RPS6KB2: variants seen among roughly 807,000 people sequenced by gnomAD.
RPS6KB2 encodes the protein ribosomal protein S6 kinase beta-2.
In RPS6KB2, 51 loss-of-function variants were observed where a neutral mutation model predicts 58.2. That is an observed-to-expected ratio of 0.88 (90% CI 0.70 to 1.11). The LOEUF (loss-of-function observed/expected upper bound fraction) is 1.11. Ranked by LOEUF, RPS6KB2 falls within the 50% of genes least tolerant of loss-of-function variation. RPS6KB2 has a pLI of 0.00. For synonymous variants in RPS6KB2, 293 were observed against 258.6 expected, an observed-to-expected ratio of 1.13 and a Z score of -1.28; for missense variants, 671 against 655.8, an observed-to-expected ratio of 1.02 and a Z score of -0.25.
At chr11:67,429,753 A>G in intron 4 of RPS6KB2, 158 bp downstream of exon 4, 1 of 617,524 alleles carries the variant, frequency 1.6e-6, no homozygotes, top group Non-Finnish European at 2.9e-6. Context: ...TCTTGCAGTA[A>G]TTCTCAATGG....
chr11:67,433,443 A>G lies in RPS6KB2; in HGVS notation c.902A>G (p.Lys301Arg), dbSNP rs757954567. The change falls in exon 10 of 15, where the codon AAA (lysine) becomes AGA (arginine). Residue 301 changes from lysine to arginine, a missense_variant. Physicochemically the swap from Lys to Arg is conservative, Grantham distance 26 (BLOSUM62 2). Coordinates refer to ENST00000312629, the MANE Select transcript of RPS6KB2 (RefSeq NM_003952.3). ...ACCCCAGATGCCCGGGACCTTGTCA[A>G]AAAGGTGCAGCTCCCTTCTCTCTTC... ...YLTPDARDLV[K>R]KFLKRNPSQR... is the part of the protein sequence containing the mutation. 3.7e-6 allele frequency: 6 copies of G among 1,608,560 alleles called. No homozygotes were observed. Among genetic ancestry groups the G allele is most frequent in the Non-Finnish European group, 3.4e-6 (4 of 1,175,148 alleles).
Position 67,431,405 on chromosome 11 carries a change from C to T in RPS6KB2, c.347C>T (p.Thr116Ile). ...IVRNAKDTAH[T>I]RAERNILESV... ...CGCAATGCCAAGGACACAGCACACA[C>T]ACGGGCTGAGCGGAACATTCTAGAG... The change falls in exon 5 of 15, where the codon ACA becomes ATA. Residue 116 changes from threonine to isoleucine, a missense_variant. By Grantham distance (89) the Thr-to-Ile change is moderately conservative. Coordinates refer to ENST00000312629, the MANE Select transcript of RPS6KB2 (RefSeq NM_003952.3). 4 of 1,614,136 alleles carry T rather than the reference C, an allele frequency of 2.5e-6. No individual in the cohort carries two copies. The highest frequency in any genetic ancestry group is 3.4e-6 in the Non-Finnish European group (4 of 1,180,020).
intron 4 of RPS6KB2, chr11:67,430,576 C>G (rs1413537353): frequency 6.6e-6 from 1 of 151,880 alleles, no homozygotes; most frequent in Non-Finnish European, 1.5e-5. Flanking sequence ...GGATTACAGC[C>G]ATGAACCACC....
chr11:67,428,815 C>G, intron 1 of RPS6KB2, 167 bp from the exon 2 acceptor site: 1 of 957,734 alleles, frequency 1.0e-6, no homozygotes, highest in Non-Finnish European at 1.6e-6. Flanking sequence ...CCAGCCTTTT[C>G]TCCCGATTCT....
chr11:67,429,959 G>A lies in RPS6KB2; in HGVS notation c.309+364G>A, dbSNP rs1863970111. 3 of 186,516 alleles carry A rather than the reference G, an allele frequency of 1.6e-5. No individual in the cohort carries two copies. The South Asian group carries it at 2.6e-4, about 16-fold the overall frequency. The allele number at this position is 186,516 out of a possible 1,614,324, so 11.6% of individuals were successfully genotyped here. ...CTCCGGAGTAGCTGGGATTACAGGC[G>A]CTTGCCACCACACCCAGCTAATTTT... On this transcript the variant is annotated intron_variant, in intron 4 of 14. Coordinates refer to ENST00000312629, the MANE Select transcript of RPS6KB2 (RefSeq NM_003952.3).
chr11:67,428,739 C>A, intron 1 of RPS6KB2, 116 bp downstream of exon 1: 2 of 1,024,530 alleles, frequency 2.0e-6, no homozygotes, highest in Non-Finnish European at 2.9e-6. Flanking sequence ...AGACCCAGAT[C>A]CTTCTCAGAT....
chr11:67,429,403 ATCT>A (rs1432633340), intron 3 of RPS6KB2, 121 bp from the exon 4 acceptor site: 5 of 1,363,548 alleles, frequency 3.7e-6, no homozygotes, highest in African/African-American at 2.9e-5. Flanking sequence ...CGGACTTGAA[ATCT>A]TCACTGCCCC....
intron 10 of RPS6KB2, 125 bp from the exon 11 acceptor site, chr11:67,433,870 G>C: frequency 9.6e-7 from 1 of 1,039,224 alleles, no homozygotes; most frequent in Non-Finnish European, 1.5e-6. Context: ...GGTATCCATA[G>C]GTGGGAGCCA....
In RPS6KB2 at chr11:67,434,186, C is replaced by T; in HGVS notation, c.970-12C>T. ...GAGCTGTTAGTGGGTTTGGTGCATT[C>T]TCTACCTACAGAGACATCCCTTTTT... On this transcript the variant is annotated splice_polypyrimidine_tract_variant and intron_variant, in intron 11 of 14. Coordinates refer to ENST00000312629, the MANE Select transcript of RPS6KB2 (RefSeq NM_003952.3). 3 of 1,614,072 alleles carry T rather than the reference C, an allele frequency of 1.9e-6. No individual in the cohort carries two copies. The highest frequency in any genetic ancestry group is 1.7e-6 in the Non-Finnish European group (2 of 1,179,978).
rs762438378 is a variant in RPS6KB2 at position 67,431,413 on chromosome 11, G to A, written c.355G>A (p.Glu119Lys). The change falls in exon 5 of 15, where the codon GAG (glutamate) becomes AAG (lysine). Residue 119 changes from glutamate (E) to lysine (K), a missense_variant. By Grantham distance (56) the Glu-to-Lys change is moderately conservative. Coordinates refer to ENST00000312629, the MANE Select transcript of RPS6KB2 (RefSeq NM_003952.3). The part of the protein sequence containing the change: ...NAKDTAHTRA[E>K]RNILESVKHP... ...CAAGGACACAGCACACACACGGGCT[G>A]AGCGGAACATTCTAGAGTCAGTGAA... 20 of 1,614,040 alleles carry A rather than the reference G, an allele frequency of 1.2e-5. No homozygotes were observed. The highest frequency in any genetic ancestry group is 1.1e-4 in the African/African-American group (8 of 74,928).
Position 67,433,477 on chromosome 11 carries a change from C to T in RPS6KB2, c.906+30C>T, listed in dbSNP as rs776779637. On this transcript the variant is annotated intron_variant, in intron 10 of 14. Transcript: ENST00000312629. ...AGCTCCCTTCTCTCTTCTCCGGGGC[C>T]CTGCCAGCCATTCTGCACGTGTTCC... The T allele has an allele frequency of 1.7e-5, 26 of 1,522,710 alleles. 2 individuals are homozygous for T. The Admixed American group carries it at 1.8e-4, about 11-fold the overall frequency. The allele number at this position is 1,522,710 out of a possible 1,614,324, so 94.3% of individuals were successfully genotyped here.
rs1025605718 is a variant in RPS6KB2, at chr11:67,433,189, C to A, written c.771C>A (p.Ala257=). The part of the protein sequence containing the change: ...NRAVDWWSLG[A]LMYDMLTGSP... ...CTGTGGACTGGTGGAGCCTGGGGGCCCTGATGTACGACATGCTCACTGGAT... is the reference window on the plus strand; with the variant it reads ...CTGTGGACTGGTGGAGCCTGGGGGCACTGATGTACGACATGCTCACTGGAT... The change falls in exon 9 of 15, where the codon GCC becomes GCA. Residue 257 remains alanine (A), a synonymous_variant. Coordinates refer to ENST00000312629, the MANE Select transcript of RPS6KB2 (RefSeq NM_003952.3). 2 of 1,605,740 alleles carry A rather than the reference C, an allele frequency of 1.2e-6. No homozygotes were observed. Among genetic ancestry groups the A allele is most frequent in the Non-Finnish European group, 1.7e-6 (2 of 1,178,378 alleles).
intron 5 of RPS6KB2, chr11:67,431,989 AC>A (rs755449448): frequency 1.4e-4 from 39 of 273,894 alleles, no homozygotes; most frequent in Non-Finnish European, 2.7e-4. Flanking sequence ...TCCTCTGCCG[AC>A]TGCTGAGGTC....
intron 1 of RPS6KB2, 44 bp downstream of exon 1, chr11:67,428,667 T>C: frequency 1.3e-6 from 2 of 1,556,890 alleles, no homozygotes; most frequent in Non-Finnish European, 1.7e-6. Context: ...GAGCCGATCC[T>C]GTCACCCAGC....
rs371345807 is a variant in RPS6KB2, at chr11:67,435,039, C to T, written c.1319C>T (p.Pro440Leu). The T allele has an allele frequency of 4.8e-5, 78 of 1,613,008 alleles. No homozygotes were observed. The highest frequency in any genetic ancestry group is 1.6e-4 in the Middle Eastern group (1 of 6,084). Residue 440 changes from proline to leucine, a missense_variant, in exon 15 of 15, where the codon CCG becomes CTG. By Grantham distance (98) the Pro-to-Leu change is moderately conservative. Coordinates refer to ENST00000312629, the MANE Select transcript of RPS6KB2 (RefSeq NM_003952.3). The stretch of plus-strand genomic sequence containing the variant: ...GGGTTTCGGCCCAGCCCCAGCCTGC[C>T]GGAGCCCACGGAGCTACCTCTACCT... The part of the protein sequence containing the change: ...FEGFRPSPSL[P>L]EPTELPLPPL...
chr11:67,433,391 G>A lies in RPS6KB2; in HGVS notation c.850G>A (p.Gly284Ser), dbSNP rs1224114723. ...GAAAACCATGGATAAGATCATCAGG[G>A]GCAAGCTGGCACTGCCCCCCTACCT... ...RKKTMDKIIR[G>S]KLALPPYLTP... The change falls in exon 10 of 15, where the codon GGC (glycine) becomes AGC (serine). Residue 284 changes from glycine to serine, a missense_variant. By Grantham distance (56) the Gly-to-Ser change is moderately conservative. Coordinates refer to ENST00000312629, the MANE Select transcript of RPS6KB2 (RefSeq NM_003952.3). 2 of 1,613,870 alleles carry A rather than the reference G, an allele frequency of 1.2e-6. No individual in the cohort carries two copies. The highest frequency in any genetic ancestry group is 1.3e-5 in the African/African-American group (1 of 74,908).
chr11:67,432,207 C>T (rs1382328192), intron 5 of RPS6KB2: 1 of 437,556 alleles, frequency 2.3e-6, no homozygotes, highest in African/African-American at 2.0e-5. Context: ...CTTAAAGTCC[C>T]AGCAAACCGC....
Position 67,432,844 on chromosome 11 carries a change from A to G in RPS6KB2, c.616+7A>G, listed in dbSNP as rs1309176056. 1.9e-6 allele frequency: 3 copies of G among 1,613,338 alleles called. No homozygotes were observed. The highest frequency in any genetic ancestry group is 1.1e-5 in the South Asian group (1 of 91,052). On this transcript the variant is annotated splice_region_variant and intron_variant, in intron 7 of 14. Coordinates refer to ENST00000312629, the MANE Select transcript of RPS6KB2 (RefSeq NM_003952.3). Reference sequence around the variant, plus strand: ...ATCATGCTCAGCAGCCAGGGTGCGCATGTGTGTGCGGGCAGCTGCAGGCGG... The same window carrying G: ...ATCATGCTCAGCAGCCAGGGTGCGCGTGTGTGTGCGGGCAGCTGCAGGCGG...
intron 14 of RPS6KB2, 56 bp downstream of exon 14, chr11:67,434,750 C>T: frequency 1.5e-6 from 2 of 1,375,414 alleles, no homozygotes; most frequent in South Asian, 1.2e-5. Flanking sequence ...AGGCAGGATG[C>T]CAGCTCCAGC....
Sources: allele counts gnomAD v4.1 joint callset, GRCh38; gene constraint gnomAD v4.1.1; transcripts MANE v1.5; gene names NCBI Gene and HGNC (gene_info 2026-07-23, HGNC 2026-07-21).